FGL1: variants seen among roughly 807,000 people sequenced by gnomAD.
The protein encoded by FGL1 is fibrinogen like 1.
In FGL1, 59 loss-of-function variants were observed where a neutral mutation model predicts 43.7. The ratio of observed to expected loss-of-function variants is 1.35; its 90% CI spans 1.10 to 1.68. The LOEUF (loss-of-function observed/expected upper bound fraction) is 1.68, where lower values mean the gene tolerates loss of function less well. Among genes scored for constraint, FGL1 ranks in the 40% most tolerant of loss-of-function variants. The probability of loss-of-function intolerance (pLI) is 0.00; values close to 1 mark genes in which losing one functional copy is unlikely to be tolerated. For missense variants in FGL1, 596 were observed against 373.0 expected, an observed-to-expected ratio of 1.60 and a Z score of -4.92; for synonymous variants, 192 against 126.5, an observed-to-expected ratio of 1.52 and a Z score of -3.48.
intron 5 of FGL1, among the ~76,000 whole-genome samples, chr8:17,872,523 G>A (rs1348869344): frequency 1.3e-5 from 2 of 151,998 alleles, no homozygotes; most frequent in Non-Finnish European, 2.9e-5. Flanking sequence ...GGCTGGTCTC[G>A]AAATCCTGGC....
At chr8:17,886,932 G>A (rs187390507) in intron 1 of FGL1, among the ~76,000 whole-genome samples, 1 of 152,250 alleles carries the variant, frequency 6.6e-6, no homozygotes, top group African/African-American at 2.4e-5. Context: ...TGGAAGTGAA[G>A]GTAGAGGCAA....
At position 17,878,524 on chromosome 8, in the gene FGL1, G is replaced by A. The variant is rs114474250; in HGVS notation, c.244+3475C>T. 3.1e-3 allele frequency among the ~76,000 whole-genome samples: 478 copies of A among 152,238 alleles called. 3 individuals carry two copies. Among genetic ancestry groups the A allele is most frequent in the African/African-American group, 0.011 (437 of 41,534 alleles). On this transcript the variant is annotated intron_variant, in intron 3 of 7. Transcript: ENST00000427924. Reference sequence around the variant, plus strand: ...GAGCCAGTGGTGTTGTCAAGTGAACGGCGGTGGTGACGCCAGATTTTTGTT... The same window carrying A: ...GAGCCAGTGGTGTTGTCAAGTGAACAGCGGTGGTGACGCCAGATTTTTGTT...
chr8:17,875,003 A>G (rs1386987638), intron 3 of FGL1, among the ~76,000 whole-genome samples: 3 of 152,140 alleles, frequency 2.0e-5, no homozygotes, highest in African/African-American at 7.2e-5. Context: ...ATAACAGTAT[A>G]TTTAGGTGGA....
chr8:17,866,412 G>C (rs1260836661), intron 7 of FGL1, among the ~76,000 whole-genome samples: 1 of 152,142 alleles, frequency 6.6e-6, no homozygotes, highest in Non-Finnish European at 1.5e-5. Flanking sequence ...TAAATTAGAA[G>C]AACTATGGGA....
intron 4 of FGL1, 113 bp downstream of exon 4, chr8:17,874,249 A>G (rs1364706414): frequency 7.3e-7 from 1 of 1,378,838 alleles, no homozygotes; most frequent in African/African-American, 1.5e-5. Context: ...ATTCTTCTTT[A>G]GAGAGATTGA....
At chr8:17,893,830 AT>A (rs1418720987) in intron 1 of FGL1, among the ~76,000 whole-genome samples, 1 of 147,040 alleles carries the variant, frequency 6.8e-6, no homozygotes, top group Non-Finnish European at 1.5e-5. Flanking sequence ...GTAAACCATT[AT>A]TTCTTCTGCA....
chr8:17,882,122 C>G lies in FGL1; in HGVS notation c.121G>C (p.Glu41Gln), dbSNP rs776257787. ...MRLRAQVRLLETRVKQQQVKI... is the reference protein window; with the variant it reads ...MRLRAQVRLLQTRVKQQQVKI... ...ACCTGTTGCTGTTTGACCCGGGTCT[C>G]AAGCAGGCGCACCTGGGCTCTGAGC... is the stretch of plus-strand genomic sequence containing the variant. Residue 41 changes from glutamate (E) to glutamine (Q), a missense_variant, in exon 3 of 8, where the codon GAG becomes CAG. Physicochemically the swap from Glu to Gln is conservative, Grantham distance 29. Transcript: ENST00000427924. 1 of 1,614,058 alleles carries G rather than the reference C, an allele frequency of 6.2e-7. No homozygotes were observed. Among genetic ancestry groups the G allele is most frequent in the South Asian group, 1.1e-5 (1 of 91,062 alleles).
chr8:17,883,484 T>C (rs1206945485), intron 2 of FGL1, among the ~76,000 whole-genome samples: 1 of 127,838 alleles, frequency 7.8e-6, no homozygotes, highest in African/African-American at 3.1e-5. Context: ...ATAAATAATA[T>C]ATAATATATT....
chr8:17,891,779 G>C, intron 1 of FGL1: 1 of 983,172 alleles, frequency 1.0e-6, no homozygotes, highest in Non-Finnish European at 1.2e-6. Flanking sequence ...TTTATAAGAT[G>C]TCTTTATCAG....
chr8:17,868,606 G>T lies in FGL1; in HGVS notation c.721C>A (p.His241Asn), dbSNP rs2053306852. ...RMKFSTWDRD[H>N]DNYEGNCAEE... ...GCGCAGTTCCCTTCATAGTTGTCAT[G>T]ATCTCTGTCCCACGTGCTGAATTTC... The change falls in exon 7 of 8, where the codon CAT becomes AAT. Residue 241 changes from histidine to asparagine, a missense_variant. Physicochemically the swap from His to Asn is moderately conservative, Grantham distance 68. Coordinates refer to ENST00000427924, the MANE Select transcript of FGL1 (RefSeq NM_004467.4). 1 of 1,613,932 alleles carries T rather than the reference G, an allele frequency of 6.2e-7. No individual in the cohort carries two copies. Among genetic ancestry groups the T allele is most frequent in the Non-Finnish European group, 8.5e-7 (1 of 1,179,974 alleles).
intron 1 of FGL1, among the ~76,000 whole-genome samples, chr8:17,886,355 C>T (rs543041312): frequency 6.6e-6 from 1 of 152,194 alleles, no homozygotes; most frequent in East Asian, 1.9e-4. Flanking sequence ...TCACAAAGCC[C>T]ACTAGAAAAT....
At chr8:17,875,448 T>C (rs12164202) in intron 3 of FGL1, among the ~76,000 whole-genome samples, 102,783 of 140,254 alleles carry the variant, frequency 0.73, 38,672 homozygotes, top group Non-Finnish European at 0.79. Context: ...CTGAAGCAAA[T>C]GTAGCTACCC....
intron 5 of FGL1, among the ~76,000 whole-genome samples, chr8:17,869,884 C>T (rs899017629): frequency 2.0e-5 from 3 of 152,004 alleles, no homozygotes; most frequent in Admixed American, 6.6e-5. Flanking sequence ...CCGAGGCGGG[C>T]GGATCACGAG....
At chr8:17,894,259 T>C (rs1242617230) in intron 1 of FGL1, among the ~76,000 whole-genome samples, 1 of 147,034 alleles carries the variant, frequency 6.8e-6, no homozygotes, top group Non-Finnish European at 1.5e-5. Flanking sequence ...AAGGAAAAAG[T>C]TATTGAACGA....
chr8:17,894,880 A>G (rs2053753293), intron 1 of FGL1, among the ~76,000 whole-genome samples: 1 of 145,296 alleles, frequency 6.9e-6, no homozygotes, highest in African/African-American at 2.7e-5. Context: ...ACGTAACATT[A>G]TTATACATAA....
chr8:17,866,581 C>G (rs1230644094), intron 7 of FGL1, among the ~76,000 whole-genome samples: 1 of 152,132 alleles, frequency 6.6e-6, no homozygotes, highest in East Asian at 1.9e-4. Flanking sequence ...CCCTTTGATT[C>G]CAAGGATAAT....
At chr8:17,866,749 T>C (rs1242452170) in intron 7 of FGL1, among the ~76,000 whole-genome samples, 1 of 152,240 alleles carries the variant, frequency 6.6e-6, no homozygotes, top group Non-Finnish European at 1.5e-5. Flanking sequence ...ATAAAGTACA[T>C]GGTTTTGATC....
At chr8:17,883,478 A>C (rs191724851) in intron 2 of FGL1, among the ~76,000 whole-genome samples, 2 of 127,156 alleles carry the variant, frequency 1.6e-5, no homozygotes, top group African/African-American at 6.2e-5. Context: ...ATAAATATAA[A>C]TAATATATAA....
At chr8:17,880,769 T>G (rs1446398502) in intron 3 of FGL1, among the ~76,000 whole-genome samples, 1 of 152,314 alleles carries the variant, frequency 6.6e-6, no homozygotes, top group South Asian at 2.1e-4. Context: ...AATCGTCGTT[T>G]ACTCTAAAAG....
Sources: gnomAD v4.1 joint callset for allele counts (sites outside exome capture counted in the v4.1 genomes callset) on GRCh38, gnomAD v4.1.1 for gene constraint, MANE v1.5 for transcripts, NCBI Gene and HGNC (gene_info 2026-07-23, HGNC 2026-07-21) for gene names.